XCL2: variants seen among roughly 807,000 people sequenced by gnomAD.
XCL2 encodes X-C motif chemokine ligand 2.
Under a neutral mutation model 7.2 loss-of-function variants are expected in XCL2, and 8 were observed. That is an observed-to-expected ratio of 1.10 (90% confidence interval 0.65 to 1.99). The LOEUF (loss-of-function observed/expected upper bound fraction) is 1.99, where lower values mean the gene tolerates loss of function less well. XCL2 is among the 30% of genes most tolerant of loss of function. XCL2 has a pLI of 0.00. For missense variants in XCL2, 131 were observed against 138.6 expected (o/e 0.94, Z 0.28); for synonymous variants, 46 against 54.2 (o/e 0.85, Z 0.67).
intron 1 of XCL2, 38 bp from the exon 2 acceptor site, chr1:168,542,145 A>G (rs775308009): frequency 6.8e-7 from 1 of 1,467,664 alleles, no homozygotes; most frequent in Non-Finnish European, 9.2e-7. Context: ...ATTAAAAATA[A>G]AGCAATTACC....
At position 168,542,116 on chromosome 1, in the gene XCL2, GAA is replaced by G; in HGVS notation, c.62-11_62-10del. On this transcript the variant is annotated splice_polypyrimidine_tract_variant and intron_variant, in intron 1 of 2. Coordinates refer to ENST00000367819, the MANE Select transcript of XCL2 (RefSeq NM_003175.4). ...GACTTCACTCCCTACACCTGATGAGGAAAAAAAAACAACAGACAATTAAAAAT... is the reference window on the plus strand; with the variant it reads ...GACTTCACTCCCTACACCTGATGAGGAAAAAAACAACAGACAATTAAAAAT... 7.2e-7 allele frequency: 1 copy of G among 1,383,000 alleles called. No homozygotes were observed. Among genetic ancestry groups the G allele is most frequent in the Non-Finnish European group, 9.6e-7 (1 of 1,039,038 alleles). 85.7% of individuals were successfully genotyped at this position (1,383,000 alleles called of 1,614,324 possible).
Position 168,542,046 on chromosome 1 carries a change from T to C in XCL2, c.123A>G (p.Pro41=), listed in dbSNP as rs4282797. ...TGGTGTAGGTCTTGATTCTGCTAAC[T>C]GGCAGTCGCTGGGTAGTGAGGCTCA... The part of the protein sequence containing the change: ...TCVSLTTQRL[P]VSRIKTYTIT... The change falls in exon 2 of 3, where the codon CCA becomes CCG. Residue 41 remains proline (P), a synonymous_variant. Transcript: ENST00000367819. The C allele has an allele frequency of 0.14, 188,234 of 1,331,882 alleles. 38,419 individuals carry two copies. The highest frequency in any genetic ancestry group is 0.65 in the East Asian group (24,428 of 37,868). The allele number at this position is 1,331,882 out of a possible 1,614,324, so 82.5% of individuals were successfully genotyped here.
chr1:168,542,396 T>C (rs974202548), intron 1 of XCL2, among the ~76,000 whole-genome samples: 1 of 152,066 alleles, frequency 6.6e-6, no homozygotes, highest in African/African-American at 2.4e-5. Context: ...CTTAGACATT[T>C]GGGACGGCTA....
chr1:168,542,448 G>T (rs934594335), intron 1 of XCL2, among the ~76,000 whole-genome samples: 6 of 152,064 alleles, frequency 3.9e-5, no homozygotes, highest in African/African-American at 1.4e-4. Flanking sequence ...TTATACAATG[G>T]TGCCTGTTGT....
chr1:168,543,266 A>C (rs1654330652), intron 1 of XCL2: 1 of 212,914 alleles, frequency 4.7e-6, no homozygotes, highest in East Asian at 1.7e-4. Context: ...GCGTCCTAAA[A>C]TGGGGGTCCC....
intron 2 of XCL2, among the ~76,000 whole-genome samples, chr1:168,541,468 T>TA (rs779473706): frequency 2.7e-4 from 41 of 152,188 alleles, no homozygotes; most frequent in Non-Finnish European, 5.6e-4. Flanking sequence ...TTATTTTTTT[T>TA]AAAAAGGTGA....
In XCL2 at chr1:168,541,076, G is replaced by C. The variant is rs117952025; in HGVS notation, c.221C>G (p.Ala74Gly). 118 of 1,613,574 alleles carry C rather than the reference G, an allele frequency of 7.3e-5. No individual in the cohort carries two copies. The highest frequency in any genetic ancestry group is 5.9e-5 in the Non-Finnish European group (70 of 1,179,712). The change falls in exon 3 of 3, where the codon GCC becomes GGC. Residue 74 changes from alanine (A) to glycine (G), a missense_variant. Coordinates refer to ENST00000367819, the MANE Select transcript of XCL2 (RefSeq NM_003175.4). ...RGLKVCADPQ[A>G]TWVRDVVRSM... Reference sequence around the variant, plus strand: ...CCTGACCACGTCTCTCACCCACGTGGCTTGTGGATCAGCACAGACTTTTAG... The same window carrying C: ...CCTGACCACGTCTCTCACCCACGTGCCTTGTGGATCAGCACAGACTTTTAG...
In XCL2 at chr1:168,541,985, A is replaced by C. The variant is rs772557907; in HGVS notation, c.176+8T>G. The C allele has an allele frequency of 5.0e-6, 8 of 1,610,376 alleles. No homozygotes were observed. The highest frequency in any genetic ancestry group is 5.9e-6 in the Non-Finnish European group (7 of 1,178,176). The stretch of plus-strand genomic sequence containing the variant: ...CACCCAGCCCAACTTCTGAGGAGGC[A>C]GACTCACATTACTGCTCTCAAGGAG... On this transcript the variant is annotated splice_region_variant and intron_variant, in intron 2 of 2. Coordinates refer to ENST00000367819, the MANE Select transcript of XCL2 (RefSeq NM_003175.4).
At chr1:168,543,778 A>T (rs1407530125) in intron 1 of XCL2, 126 bp downstream of exon 1, 2 of 1,275,618 alleles carry the variant, frequency 1.6e-6, no homozygotes, top group Non-Finnish European at 1.1e-6. Flanking sequence ...TTTCTTGCAC[A>T]TGGGAAGTTT....
At chr1:168,543,754 A>G (rs1447625938) in intron 1 of XCL2, 150 bp downstream of exon 1, 4 of 989,208 alleles carry the variant, frequency 4.0e-6, no homozygotes, top group African/African-American at 1.6e-5. Flanking sequence ...CTCTACAGTC[A>G]AAATCATCAT....
In XCL2 at chr1:168,540,877, A is replaced by C; in HGVS notation, c.*75T>G. ...TCATGCAGTGCTTTCATAAAAGGTGAGTATAATCTCAGTCCATGAGGGTGT... is the reference window on the plus strand; with the variant it reads ...TCATGCAGTGCTTTCATAAAAGGTGCGTATAATCTCAGTCCATGAGGGTGT... On this transcript the variant is annotated 3_prime_UTR_variant, in exon 3 of 3. Coordinates refer to ENST00000367819, the MANE Select transcript of XCL2 (RefSeq NM_003175.4). 1 of 1,501,430 alleles carries C rather than the reference A, an allele frequency of 6.7e-7. No homozygotes were observed. 93.0% of individuals were successfully genotyped at this position (1,501,430 alleles called of 1,614,324 possible).
rs1233315304 is a variant in XCL2 at position 168,540,843 on chromosome 1, T to C, written c.*109A>G. On this transcript the variant is annotated 3_prime_UTR_variant, in exon 3 of 3. Transcript: ENST00000367819. ...ATTTAAAAGTAAAAATACAAAGGAA[T>C]AATTTTATTCATGCAGTGCTTTCAT... The C allele has an allele frequency of 1.5e-5, 20 of 1,297,376 alleles. No individual in the cohort carries two copies. Among genetic ancestry groups the C allele is most frequent in the Non-Finnish European group, 2.1e-5 (20 of 970,204 alleles). The allele number at this position is 1,297,376 out of a possible 1,614,324, so 80.4% of individuals were successfully genotyped here. A position where few individuals can be genotyped will look rare whatever the true frequency, so the allele number is the denominator to read the frequency against.
Position 168,540,803 on chromosome 1 carries a change from G to C in XCL2, c.*149C>G. ...ATAATTTATTAATTAGAACATATAA[G>C]TGAATACAGAAGACATTTAAAAGTA... is the stretch of plus-strand genomic sequence containing the variant. On this transcript the variant is annotated 3_prime_UTR_variant, in exon 3 of 3. Coordinates refer to ENST00000367819, the MANE Select transcript of XCL2 (RefSeq NM_003175.4). The C allele has an allele frequency of 1.1e-6, 1 of 920,700 alleles. No individual in the cohort carries two copies. Among genetic ancestry groups the C allele is most frequent in the East Asian group, 2.7e-5 (1 of 36,550 alleles). The allele number at this position is 920,700 out of a possible 1,614,324, so 57.0% of individuals were successfully genotyped here. A position where few individuals can be genotyped will look rare whatever the true frequency, so the allele number is the denominator to read the frequency against.
intron 1 of XCL2, chr1:168,543,098 A>G: frequency 2.7e-6 from 1 of 365,664 alleles, no homozygotes; most frequent in South Asian, 2.3e-5. Flanking sequence ...GGCTGAGAAG[A>G]AAGCTGCTAG....
At position 168,543,938 on chromosome 1, in the gene XCL2, A is replaced by T; in HGVS notation, c.27T>A (p.Leu9=). ...TGTATGCAGTGAGAGAGCAGATGCCAAGGAGGGCCAGGATGAGAAGTCTCA... is the reference window on the plus strand; with the variant it reads ...TGTATGCAGTGAGAGAGCAGATGCCTAGGAGGGCCAGGATGAGAAGTCTCA... The part of the protein sequence containing the change: MRLLILAL[L]GICSLTAYIV... Residue 9 remains leucine (L), a synonymous_variant, in exon 1 of 3, where the codon CTT becomes CTA. Coordinates refer to ENST00000367819, the MANE Select transcript of XCL2 (RefSeq NM_003175.4). The T allele has an allele frequency of 6.2e-7, 1 of 1,610,258 alleles. No individual in the cohort carries two copies. Among genetic ancestry groups the T allele is most frequent in the Non-Finnish European group, 8.5e-7 (1 of 1,178,396 alleles).
rs111335608 is a variant in XCL2, at chr1:168,541,157, G to A, written c.177-37C>T. 12,553 of 1,607,754 alleles carry A rather than the reference G, an allele frequency of 7.8e-3. 603 individuals carry two copies. In the African/African-American group the frequency reaches 0.12, roughly 15 times the overall value. On this transcript the variant is annotated intron_variant, in intron 2 of 2. Coordinates refer to ENST00000367819, the MANE Select transcript of XCL2 (RefSeq NM_003175.4). ...GGAAAAGACAGATGAAGTTAGCCAC[G>A]TTCTCAAAGCCTCAGGGTCAGGAGT... is the stretch of plus-strand genomic sequence containing the variant.
chr1:168,542,606 A>G (rs970153974), intron 1 of XCL2: 1 of 158,046 alleles, frequency 6.3e-6, no homozygotes, highest in Non-Finnish European at 1.4e-5. Context: ...ATGACAGAGT[A>G]ATGCGTGAAG....
At chr1:168,542,407 G>A (rs1339290669) in intron 1 of XCL2, among the ~76,000 whole-genome samples, 1 of 152,056 alleles carries the variant, frequency 6.6e-6, no homozygotes, top group African/African-American at 2.4e-5. Flanking sequence ...GGGACGGCTA[G>A]CAAATGCCCC....
rs766769674 is a variant in XCL2 at position 168,540,990 on chromosome 1, G to A, written c.307C>T (p.Gln103Ter). 6 of 1,613,512 alleles carry A rather than the reference G, an allele frequency of 3.7e-6. No individual in the cohort carries two copies. In the Admixed American group the frequency reaches 6.7e-5, roughly 18 times the overall value. ...NMIQTKPTGT[Q>*]QSTNTAVTLT... ...GTCACAGCTGTATTGGTCGATTGCT[G>A]GGTTCCTGTTGGCTTGGTCTGGATC... Residue 103 changes from glutamine (Q) to a stop codon, truncating the protein, a stop_gained, in exon 3 of 3, where the codon CAG becomes TAG. Coordinates refer to ENST00000367819, the MANE Select transcript of XCL2 (RefSeq NM_003175.4). LOFTEE classifies it low-confidence loss of function (END_TRUNC).
Sources: gnomAD v4.1 joint callset for allele counts (sites outside exome capture counted in the v4.1 genomes callset) on GRCh38, gnomAD v4.1.1 for gene constraint, MANE v1.5 for transcripts, NCBI Gene and HGNC (gene_info 2026-07-23, HGNC 2026-07-21) for gene names.